Variants in CDYL2 observed in about 807,000 individuals in gnomAD.
The protein encoded by CDYL2 is chromodomain Y like 2.
CDYL2 carries 23 observed loss-of-function variants against 49.4 expected under a neutral mutation model. The ratio of observed to expected loss-of-function variants is 0.47; its 90% confidence interval spans 0.34 to 0.66. CDYL2 has a LOEUF of 0.66. Ranked by LOEUF, CDYL2 falls within the 30% of genes least tolerant of loss-of-function variation. The pLI is 0.01. For missense variants in CDYL2, 678 were observed against 656.4 expected, an observed-to-expected ratio of 1.03 and a Z score of -0.36; for synonymous variants, 360 against 268.8, an observed-to-expected ratio of 1.34 and a Z score of -3.32.
intron 2 of CDYL2, among the ~76,000 whole-genome samples, chr16:80,681,083 A>T (rs1479791701): frequency 1.3e-5 from 2 of 152,206 alleles, no homozygotes; most frequent in Non-Finnish European, 2.9e-5. Flanking sequence ...CATTTGTTCC[A>T]CAGTAGATCA....
intron 1 of CDYL2, among the ~76,000 whole-genome samples, chr16:80,776,651 G>T (rs962977091): frequency 6.7e-6 from 1 of 150,262 alleles, no homozygotes; most frequent in African/African-American, 2.4e-5. Context: ...ACGTACATTT[G>T]TATATTCTTA....
intron 1 of CDYL2, among the ~76,000 whole-genome samples, chr16:80,690,830 T>C (rs545034627): frequency 6.6e-6 from 1 of 152,294 alleles, no homozygotes; most frequent in South Asian, 2.1e-4. Flanking sequence ...TCTGCTTCAA[T>C]TCTTCATTGG....
intron 2 of CDYL2, among the ~76,000 whole-genome samples, chr16:80,636,713 A>G (rs373076674): frequency 6.6e-5 from 10 of 152,358 alleles, no homozygotes; most frequent in Middle Eastern, 3.4e-3. Flanking sequence ...GTATATACCC[A>G]AAGGATTATA....
intron 1 of CDYL2, among the ~76,000 whole-genome samples, chr16:80,759,102 CTATATATA>C (rs59240300): frequency 0.013 from 841 of 63,362 alleles, 27 homozygotes; most frequent in African/African-American, 0.042. Context: ...AAACCATATA[CTATATATA>C]TATATATATA....
At chr16:80,787,526 C>T (rs16954015) in intron 1 of CDYL2, among the ~76,000 whole-genome samples, 1 of 152,178 alleles carries the variant, frequency 6.6e-6, no homozygotes, top group African/African-American at 2.4e-5. Flanking sequence ...TTAAAATCAA[C>T]AGAAGTGTCA....
Position 80,629,344 on chromosome 16 carries a change from G to A in CDYL2, c.834+3675C>T, listed in dbSNP as rs111817801. Among the ~76,000 whole-genome samples, 14 of 152,294 alleles carry A rather than the reference G, an allele frequency of 9.2e-5. 1 individual carries two copies. Among genetic ancestry groups the A allele is most frequent in the African/African-American group, 3.1e-4 (13 of 41,570 alleles). On this transcript the variant is annotated intron_variant, in intron 3 of 6. Coordinates refer to ENST00000570137, the MANE Select transcript of CDYL2 (RefSeq NM_152342.4). ...AGTAGTGGACTGTAATGGTTATGGT[G>A]GAAATAGAAGTAAACATATGAAAGA...
chr16:80,662,044 G>A (rs76427766), intron 2 of CDYL2, among the ~76,000 whole-genome samples: 2,512 of 152,208 alleles, frequency 0.017, 54 homozygotes, highest in East Asian at 0.037. Context: ...GGTGCATTCC[G>A]TATTCACCTC....
intron 2 of CDYL2, among the ~76,000 whole-genome samples, chr16:80,637,101 T>C (rs1308623777): frequency 6.6e-6 from 1 of 151,950 alleles, no homozygotes; most frequent in Non-Finnish European, 1.5e-5. Flanking sequence ...ATACCTAATA[T>C]AGATGACAGG....
At chr16:80,749,247 T>G (rs1416174608) in intron 1 of CDYL2, among the ~76,000 whole-genome samples, 1 of 152,228 alleles carries the variant, frequency 6.6e-6, no homozygotes, top group Non-Finnish European at 1.5e-5. Context: ...TACCTAGCAA[T>G]GTCTTATTTA....
chr16:80,681,831 T>A (rs567530902), intron 2 of CDYL2, among the ~76,000 whole-genome samples: 1 of 152,330 alleles, frequency 6.6e-6, no homozygotes, highest in Non-Finnish European at 1.5e-5. Flanking sequence ...AGGGAAGCTA[T>A]AAGTTTCAGA....
chr16:80,764,958 G>A (rs1906664986), intron 1 of CDYL2, among the ~76,000 whole-genome samples: 1 of 150,664 alleles, frequency 6.6e-6, no homozygotes, highest in African/African-American at 2.4e-5. Flanking sequence ...TACTCAGGAG[G>A]CTGAGGCAGG....
chr16:80,679,636 C>T, intron 2 of CDYL2: 1 of 454,400 alleles, frequency 2.2e-6, no homozygotes. Flanking sequence ...AACTTTCAAC[C>T]TTACAGCTTT....
intron 2 of CDYL2, among the ~76,000 whole-genome samples, chr16:80,675,005 T>C (rs939793417): frequency 5.3e-5 from 8 of 152,196 alleles, no homozygotes; most frequent in Admixed American, 4.6e-4. Flanking sequence ...TGTACATGCA[T>C]ACATGTGTGT....
chr16:80,727,466 G>C (rs1008444507), intron 1 of CDYL2, among the ~76,000 whole-genome samples: 6 of 152,212 alleles, frequency 3.9e-5, no homozygotes, highest in African/African-American at 1.4e-4. Flanking sequence ...GAGTCTCGCT[G>C]ATTGCTAGCA....
At chr16:80,793,897 C>T (rs960198525) in intron 1 of CDYL2, among the ~76,000 whole-genome samples, 6 of 152,112 alleles carry the variant, frequency 3.9e-5, no homozygotes, top group African/African-American at 1.2e-4. Flanking sequence ...GCTGCCTTCC[C>T]GTAACAGTCT....
intron 1 of CDYL2, among the ~76,000 whole-genome samples, chr16:80,700,723 G>A (rs908276696): frequency 6.6e-6 from 1 of 152,192 alleles, no homozygotes; most frequent in Non-Finnish European, 1.5e-5. Context: ...CTTTAGGGAA[G>A]GTAATTTAAC....
chr16:80,745,817 G>C (rs941820259), intron 1 of CDYL2, among the ~76,000 whole-genome samples: 1 of 152,142 alleles, frequency 6.6e-6, no homozygotes, highest in Non-Finnish European at 1.5e-5. Flanking sequence ...GCTTGGAAGG[G>C]TTTCTCCAGC....
At chr16:80,719,339 C>G (rs925131500) in intron 1 of CDYL2, among the ~76,000 whole-genome samples, 1 of 152,174 alleles carries the variant, frequency 6.6e-6, no homozygotes, top group Non-Finnish European at 1.5e-5. Flanking sequence ...GCCTCCGTTT[C>G]TCCATTTGTA....
intron 1 of CDYL2, among the ~76,000 whole-genome samples, chr16:80,733,164 G>C (rs1243588353): frequency 6.6e-6 from 1 of 152,204 alleles, no homozygotes; most frequent in Non-Finnish European, 1.5e-5. Context: ...TTCCCTGGGA[G>C]AAGTATAGAG....
Sources: allele counts gnomAD v4.1 joint callset (sites outside exome capture counted in the v4.1 genomes callset), GRCh38; gene constraint gnomAD v4.1.1; transcripts MANE v1.5; gene names NCBI Gene and HGNC (gene_info 2026-07-23, HGNC 2026-07-21).